Variants in ADAMTSL1 observed in about 807,000 individuals in gnomAD.
ADAMTSL1 encodes the protein ADAMTS-like protein 1.
In ADAMTSL1, 126 loss-of-function variants were observed where a neutral mutation model predicts 201.8. The observed-to-expected ratio is 0.62, with a 90% CI of 0.54 to 0.72. The LOEUF is 0.72. ADAMTSL1 is among the 30% of genes least tolerant of loss of function. The pLI, the probability that ADAMTSL1 is intolerant of heterozygous loss-of-function variation, is 0.00. For synonymous variants in ADAMTSL1, 1,121 were observed against 903.4 expected (o/e 1.24, Z -4.32); for missense variants, 2,679 against 2,277.8 (o/e 1.18, Z -3.59).
chr9:18,155,460 T>G (rs1827111400), intron 1 of ADAMTSL1, among the ~76,000 whole-genome samples: 1 of 152,060 alleles, frequency 6.6e-6, no homozygotes, highest in African/African-American at 2.4e-5. Context: ...TGGAGCAAGC[T>G]TGTCCAACCT....
chr9:18,268,160 T>C (rs559722983), intron 2 of ADAMTSL1, among the ~76,000 whole-genome samples: 2 of 152,304 alleles, frequency 1.3e-5, no homozygotes, highest in South Asian at 4.1e-4. Flanking sequence ...GAATGCAATT[T>C]ATTAGATACT....
At chr9:17,951,799 G>A (rs1227708825) in intron 1 of ADAMTSL1, among the ~76,000 whole-genome samples, 1 of 151,786 alleles carries the variant, frequency 6.6e-6, no homozygotes, top group African/African-American at 2.4e-5. Flanking sequence ...ATTTTATGTA[G>A]TCAAAGTTAT....
At chr9:17,930,476 A>G (rs745736395) in intron 1 of ADAMTSL1, among the ~76,000 whole-genome samples, 6 of 152,090 alleles carry the variant, frequency 3.9e-5, no homozygotes, top group Non-Finnish European at 8.8e-5. Flanking sequence ...AATCAGTTTC[A>G]TGGTCATACC....
intron 2 of ADAMTSL1, among the ~76,000 whole-genome samples, chr9:18,219,561 G>T (rs890724672): frequency 1.3e-5 from 2 of 151,908 alleles, no homozygotes; most frequent in Admixed American, 1.3e-4. Flanking sequence ...TAGAGACAGG[G>T]TTTCACCACA....
intron 19 of ADAMTSL1, among the ~76,000 whole-genome samples, chr9:18,782,268 G>A (rs1014304399): frequency 1.3e-5 from 2 of 152,174 alleles, no homozygotes; most frequent in Non-Finnish European, 2.9e-5. Flanking sequence ...CATTGCTTAA[G>A]TATTTACTAA....
At chr9:18,176,153 C>T (rs2132149225) in intron 2 of ADAMTSL1, among the ~76,000 whole-genome samples, 1 of 152,018 alleles carries the variant, frequency 6.6e-6, no homozygotes, top group African/African-American at 2.4e-5. Context: ...TTGTAGCGTG[C>T]TGCTGGAGAC....
intron 4 of ADAMTSL1, among the ~76,000 whole-genome samples, chr9:18,600,327 C>G (rs1040618391): frequency 6.6e-6 from 1 of 152,204 alleles, no homozygotes; most frequent in Non-Finnish European, 1.5e-5. Context: ...ATTTAAACCT[C>G]AGAGAACCCC....
At chr9:18,351,187 A>G (rs1835948476) in intron 2 of ADAMTSL1, among the ~76,000 whole-genome samples, 1 of 151,890 alleles carries the variant, frequency 6.6e-6, no homozygotes. Context: ...ATCATCTGGC[A>G]GGGGAAGATT....
At chr9:18,204,965 A>T (rs1829593426) in intron 2 of ADAMTSL1, among the ~76,000 whole-genome samples, 1 of 152,204 alleles carries the variant, frequency 6.6e-6, no homozygotes, top group Admixed American at 6.5e-5. Flanking sequence ...TGGGCATTAC[A>T]ACAGACAAAA....
chr9:18,681,295 A>G (rs1157482227), intron 11 of ADAMTSL1: 3 of 152,404 alleles, frequency 2.0e-5, no homozygotes, highest in African/African-American at 4.8e-5. Context: ...TGGTCATTCA[A>G]TCTGTTTTTT....
At chr9:18,546,442 A>T (rs549835612) in intron 3 of ADAMTSL1, among the ~76,000 whole-genome samples, 1 of 152,172 alleles carries the variant, frequency 6.6e-6, no homozygotes, top group South Asian at 2.1e-4. Context: ...GCATTATTAG[A>T]TTCCTTTTCC....
chr9:18,639,683 A>T (rs940116411), intron 7 of ADAMTSL1, among the ~76,000 whole-genome samples: 5 of 152,126 alleles, frequency 3.3e-5, no homozygotes, highest in South Asian at 2.1e-4. Flanking sequence ...AGGCCAATGT[A>T]TCATAAGTTG....
At chr9:18,605,393 G>A (rs916857247) in intron 4 of ADAMTSL1, among the ~76,000 whole-genome samples, 5 of 152,116 alleles carry the variant, frequency 3.3e-5, no homozygotes, top group East Asian at 1.9e-4. Flanking sequence ...ATGAAAAAGC[G>A]GTTATGTTGA....
At chr9:18,302,393 G>C (rs1003330085) in intron 2 of ADAMTSL1, among the ~76,000 whole-genome samples, 5 of 152,104 alleles carry the variant, frequency 3.3e-5, no homozygotes, top group African/African-American at 9.7e-5. Flanking sequence ...CCTTCAGTAT[G>C]CTGGGGCAAA....
intron 2 of ADAMTSL1, among the ~76,000 whole-genome samples, chr9:18,511,831 T>C (rs1457189148): frequency 6.6e-6 from 1 of 152,204 alleles, no homozygotes; most frequent in Non-Finnish European, 1.5e-5. Context: ...AGATTTTGCT[T>C]CTTAAACAAA....
At chr9:17,950,534 A>T (rs565542145) in intron 1 of ADAMTSL1, among the ~76,000 whole-genome samples, 1 of 151,116 alleles carries the variant, frequency 6.6e-6, no homozygotes, top group Admixed American at 6.6e-5. Context: ...AAATATTTAA[A>T]TTTTATATAT....
At chr9:18,168,963 T>A (rs1375058617) in intron 2 of ADAMTSL1, among the ~76,000 whole-genome samples, 1 of 151,352 alleles carries the variant, frequency 6.6e-6, no homozygotes, top group Non-Finnish European at 1.5e-5. Flanking sequence ...GCCCACTTTT[T>A]GATGGGGTTG....
chr9:18,639,184 C>T, intron 6 of ADAMTSL1, 70 bp from the exon 7 acceptor site: 2 of 1,468,082 alleles, frequency 1.4e-6, no homozygotes, highest in Non-Finnish European at 1.9e-6. Context: ...AACATTGTTG[C>T]ATGAAATGTG....
In ADAMTSL1 at chr9:17,940,807, C is replaced by CG. The variant is rs199918058; in HGVS notation, c.87+33885_87+33886insG. On this transcript the variant is annotated intron_variant, in intron 1 of 29. Coordinates refer to the ADAMTSL1 transcript ENST00000680146. The stretch of plus-strand genomic sequence containing the variant: ...TAAAAATAAAAGTAAATAACACCCC[C>CG]CCCCCAAAAAAAAGAAAGAAATAAC... Among the ~76,000 whole-genome samples the CG allele has an allele frequency of 8.5e-4, 53 of 62,008 alleles. 3 individuals carry two copies. The highest frequency in any genetic ancestry group is 2.9e-3 in the African/African-American group (51 of 17,542). The allele number at this position is 62,008 out of a possible 152,430, so 40.7% of individuals were successfully genotyped here. A position where few individuals can be genotyped will look rare whatever the true frequency, so the allele number is the denominator to read the frequency against.
Sources: gnomAD v4.1 joint callset for allele counts (sites outside exome capture counted in the v4.1 genomes callset) on GRCh38, gnomAD v4.1.1 for gene constraint, MANE v1.5 for transcripts, NCBI Gene and HGNC (gene_info 2026-07-23, HGNC 2026-07-21) for gene names.